Variants in AMPD3 observed in about 807,000 individuals in gnomAD.
The protein encoded by AMPD3 is adenosine monophosphate deaminase 3, also known as AMP deaminase 3.
AMPD3 carries 57 observed loss-of-function variants against 82.3 expected under a neutral mutation model. That is an observed-to-expected ratio of 0.69 (90% CI 0.56 to 0.86). AMPD3 has a LOEUF of 0.86. AMPD3 is among the 40% of genes least tolerant of loss of function. AMPD3 has a pLI of 0.00. For missense variants in AMPD3, 870 were observed against 1,003.8 expected (o/e 0.87, Z 1.80); for synonymous variants, 381 against 394.7 (o/e 0.97, Z 0.41).
At chr11:10,497,440 A>G (rs144100512) in intron 10 of AMPD3, 6 of 278,200 alleles carry the variant, frequency 2.2e-5, no homozygotes, top group Non-Finnish European at 5.5e-6. Flanking sequence ...AGTCTGGGAG[A>G]GGCTTAACCA....
chr11:10,495,013 T>G lies in AMPD3; in HGVS notation c.1249T>G (p.Phe417Val), dbSNP rs756343066. ...TGAAAACTATCTGGGAGGAGAGTACTTTGCTCGGATGGTCAAGGTGAGTGA... is the reference window on the plus strand; with the variant it reads ...TGAAAACTATCTGGGAGGAGAGTACGTTGCTCGGATGGTCAAGGTGAGTGA... Reference protein sequence around the residue: ...KTENYLGGEYFARMVKEVARE... With the variant: ...KTENYLGGEYVARMVKEVARE... The change falls in exon 8 of 15, where the codon TTT becomes GTT. Residue 417 changes from phenylalanine to valine, a missense_variant. Transcript: ENST00000396553. The G allele has an allele frequency of 7.4e-6, 12 of 1,614,062 alleles. No homozygotes were observed. In the Admixed American group the frequency reaches 2.0e-4, roughly 27 times the overall value.
intron 12 of AMPD3, chr11:10,501,806 T>C (rs947608807): frequency 4.1e-6 from 4 of 984,160 alleles, no homozygotes; most frequent in Admixed American, 6.1e-5. Flanking sequence ...CCAGCCCTTA[T>C]GCTATTACAT....
Position 10,501,586 on chromosome 11 carries a change from A to G in AMPD3, c.1838A>G (p.Lys613Arg), listed in dbSNP as rs751897287. The G allele has an allele frequency of 6.2e-7, 1 of 1,614,138 alleles. No homozygotes were observed. Among genetic ancestry groups the G allele is most frequent in the Non-Finnish European group, 8.5e-7 (1 of 1,180,010 alleles). ...ADNISHGLLLKKSPVLQYLYY... is the reference protein window; with the variant it reads ...ADNISHGLLLRKSPVLQYLYY... ...AACATTTCCCACGGGCTGCTCCTCA[A>G]GAAGGTAACCAGGTCACTCTCGGGA... Residue 613 changes from lysine to arginine, a missense_variant, in exon 12 of 15, where the codon AAG (lysine) becomes AGG (arginine). Physicochemically the swap from Lys to Arg is conservative, Grantham distance 26. Transcript: ENST00000396553.
chr11:10,502,057 T>G, intron 12 of AMPD3: 2 of 985,426 alleles, frequency 2.0e-6, no homozygotes, highest in Non-Finnish European at 1.2e-6. Flanking sequence ...CAGTCCACAC[T>G]AGTTGGGCAC....
At position 10,487,309 on chromosome 11, in the gene AMPD3, C is replaced by T. The variant is rs753670698; in HGVS notation, c.884C>T (p.Ser295Phe). The T allele has an allele frequency of 6.2e-7, 1 of 1,614,164 alleles. No individual in the cohort carries two copies. Among genetic ancestry groups the T allele is most frequent in the South Asian group, 1.1e-5 (1 of 91,074 alleles). ...FSLHEMLNEM[S>F]EFKELKSNPH... ...CTTCATGAGATGTTAAACGAAATGT[C>T]CGAGTTCAAAGAGTTGAAGAGTAAC... The change falls in exon 6 of 15, where the codon TCC (serine) becomes TTC (phenylalanine). Residue 295 changes from serine to phenylalanine, a missense_variant. Coordinates refer to ENST00000396553, the MANE Select transcript of AMPD3 (RefSeq NM_001025389.2).
chr11:10,475,296 G>T (rs570656458), intron 2 of AMPD3, among the ~76,000 whole-genome samples: 1 of 152,254 alleles, frequency 6.6e-6, no homozygotes, highest in Admixed American at 6.5e-5. Context: ...GATGGTGCTA[G>T]ACCATTCATG....
chr11:10,469,509 C>T (rs928831438), intron 2 of AMPD3, among the ~76,000 whole-genome samples: 2 of 152,104 alleles, frequency 1.3e-5, no homozygotes, highest in South Asian at 4.2e-4. Flanking sequence ...AATGAATAGC[C>T]TACCAACCAA....
In AMPD3 at chr11:10,478,657, C is replaced by G. The variant is rs758624728; in HGVS notation, c.353C>G (p.Ser118Cys). The change falls in exon 3 of 15, where the codon TCC becomes TGC. Residue 118 changes from serine (S) to cysteine (C), a missense_variant. Ser to Cys is a moderately radical substitution (Grantham distance 112, BLOSUM62 -1). Transcript: ENST00000396553. ...ACCCCTGTGGTCACTGGAGCCACTT[C>G]CCTGCCCACGCCAGCACCCTATGCC... is the stretch of plus-strand genomic sequence containing the variant. Reference protein sequence around the residue: ...PTTPVVTGATSLPTPAPYAMP... With the variant: ...PTTPVVTGATCLPTPAPYAMP... The G allele has an allele frequency of 1.2e-6, 2 of 1,614,240 alleles. No homozygotes were observed. Among genetic ancestry groups the G allele is most frequent in the South Asian group, 2.2e-5 (2 of 91,090 alleles).
chr11:10,483,561 C>T (rs901249770), intron 4 of AMPD3, among the ~76,000 whole-genome samples: 3 of 152,180 alleles, frequency 2.0e-5, no homozygotes, highest in East Asian at 1.9e-4. Flanking sequence ...ACAGAGGACC[C>T]CTGGGTTCTG....
chr11:10,496,899 C>T lies in AMPD3; in HGVS notation c.1518C>T (p.Asn506=), dbSNP rs746035950. Residue 506 remains asparagine (N), a synonymous_variant, in exon 10 of 15, where the codon AAC becomes AAT. Coordinates refer to ENST00000396553, the MANE Select transcript of AMPD3 (RefSeq NM_001025389.2). Reference sequence around the variant, plus strand: ...TGCCCCTTTTCAAGGCCACTATCAACCCCCAAGATCATCGAGAGCTTCACC... The same window carrying T: ...TGCCCCTTTTCAAGGCCACTATCAATCCCCAAGATCATCGAGAGCTTCACC... ...IFLPLFKATI[N]PQDHRELHLF... The T allele has an allele frequency of 2.9e-5, 46 of 1,613,988 alleles. No homozygotes were observed. Among genetic ancestry groups the T allele is most frequent in the South Asian group, 8.8e-5 (8 of 91,086 alleles).
At chr11:10,503,843 T>C (rs913892726) in intron 13 of AMPD3, 5 of 377,572 alleles carry the variant, frequency 1.3e-5, no homozygotes, top group African/African-American at 1.1e-4. Flanking sequence ...TGAAAATACA[T>C]AATTGGAAAA....
In AMPD3 at chr11:10,500,166, C is replaced by T. The variant is rs776090998; in HGVS notation, c.1638C>T (p.Val546=). The T allele has an allele frequency of 1.2e-6, 2 of 1,614,186 alleles. No homozygotes were observed. The highest frequency in any genetic ancestry group is 4.5e-5 in the East Asian group (2 of 44,886). The stretch of plus-strand genomic sequence containing the variant: ...CCGACAAGAGCCCAAACCCGGACGT[C>T]TGGACCAGTGAGCAGAACCCACCCT... ...MFSDKSPNPD[V]WTSEQNPPYS... The change falls in exon 11 of 15, where the codon GTC becomes GTT. Residue 546 remains valine, a synonymous_variant. Transcript: ENST00000396553.
chr11:10,504,184 T>C (rs1591489534), intron 13 of AMPD3: 2 of 982,858 alleles, frequency 2.0e-6, no homozygotes, highest in African/African-American at 1.8e-5. Context: ...TATTGCAAAC[T>C]TAAGAAAATA....
At position 10,484,932 on chromosome 11, in the gene AMPD3, C is replaced by G. The variant is rs987924771; in HGVS notation, c.702C>G (p.Asn234Lys). 17 of 1,614,010 alleles carry G rather than the reference C, an allele frequency of 1.1e-5. No individual in the cohort carries two copies. The highest frequency in any genetic ancestry group is 1.4e-5 in the Non-Finnish European group (17 of 1,180,022). The stretch of plus-strand genomic sequence containing the variant: ...GGGGCATCCTCTTTGTGTATGATAA[C>G]AAGAAGATGCTGGAGCACCAGGAGC... ...MQGGILFVYD[N>K]KKMLEHQEPH... The change falls in exon 5 of 15, where the codon AAC (asparagine) becomes AAG (lysine). Residue 234 changes from asparagine (N) to lysine (K), a missense_variant. By Grantham distance (94) the Asn-to-Lys change is moderately conservative. Transcript: ENST00000396553.
At position 10,498,163 on chromosome 11, in the gene AMPD3, G is replaced by A. The variant is rs149467244; in HGVS notation, c.1557+1225G>A. Among the ~76,000 whole-genome samples the A allele has an allele frequency of 3.1e-3, 476 of 152,328 alleles. 1 individual carries two copies. The highest frequency in any genetic ancestry group is 5.7e-3 in the Non-Finnish European group (385 of 68,024). ...AGGTGCACAGCAGCTACCAGCTTGC[G>A]TCTCTGAGGTGTGGCAGCGCAGGGA... On this transcript the variant is annotated intron_variant, in intron 10 of 14. Transcript: ENST00000396553.
intron 2 of AMPD3, among the ~76,000 whole-genome samples, chr11:10,466,678 C>T (rs1305374854): frequency 1.3e-5 from 2 of 152,228 alleles, no homozygotes; most frequent in Non-Finnish European, 2.9e-5. Context: ...CCCAGCACAG[C>T]GTTCAAGCTC....
chr11:10,497,179 C>G (rs191583511), intron 10 of AMPD3, among the ~76,000 whole-genome samples: 5 of 152,122 alleles, frequency 3.3e-5, no homozygotes, highest in African/African-American at 1.2e-4. Flanking sequence ...TTGGGGTAGG[C>G]CTTTCCCCCA....
chr11:10,492,413 G>T (rs1201362660), intron 6 of AMPD3, among the ~76,000 whole-genome samples: 1 of 152,196 alleles, frequency 6.6e-6, no homozygotes, highest in Non-Finnish European at 1.5e-5. Flanking sequence ...TCAAGGAAGG[G>T]TGTGTTTGGA....
In AMPD3 at chr11:10,455,467, G is replaced by A; in HGVS notation, c.-6+19G>A. On this transcript the variant is annotated intron_variant, in intron 1 of 14. Transcript: ENST00000396553. ...AGCGGCTGTAAGCAGGGGAGGGTTT[G>A]GGGTGGGCTCCGGTGGGTCAGTTGG... The A allele has an allele frequency of 4.1e-6, 4 of 976,098 alleles. No individual in the cohort carries two copies. Among genetic ancestry groups the A allele is most frequent in the South Asian group, 9.5e-5 (2 of 21,078 alleles). The allele number at this position is 976,098 out of a possible 1,614,324, so 60.5% of individuals were successfully genotyped here.
Sources: gnomAD v4.1 joint callset for allele counts (sites outside exome capture counted in the v4.1 genomes callset) on GRCh38, gnomAD v4.1.1 for gene constraint, MANE v1.5 for transcripts, NCBI Gene and HGNC (gene_info 2026-07-23, HGNC 2026-07-21) for gene names.